Variants in KALRN observed in about 807,000 individuals in gnomAD.
The protein encoded by KALRN is kalirin.
A neutral mutation model predicts 353.7 loss-of-function variants in KALRN; 70 were observed. The ratio of observed to expected loss-of-function variants is 0.20; its 90% CI spans 0.16 to 0.24. The LOEUF is 0.24. Ranked by LOEUF, KALRN falls within the 10% of genes least tolerant of loss-of-function variation. The pLI, the probability that KALRN is intolerant of heterozygous loss-of-function variation, is 1.00. For missense variants in KALRN, 2,791 were observed against 3,756.7 expected, an observed-to-expected ratio of 0.74 and a Z score of 6.72; for synonymous variants, 1,391 against 1,434.8, an observed-to-expected ratio of 0.97 and a Z score of 0.69.
rs1266558168 is a variant in KALRN at position 124,504,626 on chromosome 3, T to C, written c.4935+8213T>C. On this transcript the variant is annotated intron_variant, in intron 33 of 59. Transcript: ENST00000682506. ...AGTATTAATGCCTATCACAGACTCA[T>C]TGATGCCAAGTACTCGTGACTCACA... 4.7e-5 allele frequency: 16 copies of C among 340,910 alleles called. No individual in the cohort carries two copies. The East Asian group carries it at 1.2e-3, about 26-fold the overall frequency. 21.1% of individuals were successfully genotyped at this position (340,910 alleles called of 1,614,324 possible).
chr3:124,294,589 A>G (rs1354022087), intron 5 of KALRN, among the ~76,000 whole-genome samples: 1 of 121,228 alleles, frequency 8.2e-6, no homozygotes, highest in African/African-American at 3.2e-5. Flanking sequence ...CAGTGGCATG[A>G]TCTCAGCTCA....
In KALRN at chr3:124,300,418, C is replaced by A. The variant is rs147242017; in HGVS notation, c.1092+1505C>A. On this transcript the variant is annotated intron_variant, in intron 6 of 59. Transcript: ENST00000682506. ...TAGGAGCTCTGCTTATCATAGCCAC[C>A]CAGAGAGACCTGGGCTGATGGTATA... Among the ~76,000 whole-genome samples the A allele has an allele frequency of 3.5e-3, 531 of 152,272 alleles. 2 individuals are homozygous for A. The highest frequency in any genetic ancestry group is 6.0e-3 in the Non-Finnish European group (411 of 68,024).
At chr3:124,305,654 CT>C (rs1055319842) in intron 6 of KALRN, among the ~76,000 whole-genome samples, 19 of 152,072 alleles carry the variant, frequency 1.2e-4, no homozygotes, top group African/African-American at 4.1e-4. Context: ...TGTACTCCCC[CT>C]GGGAGCAACA....
At chr3:124,629,663 C>T (rs1014961380) in intron 34 of KALRN, among the ~76,000 whole-genome samples, 5 of 152,204 alleles carry the variant, frequency 3.3e-5, no homozygotes, top group African/African-American at 1.2e-4. Flanking sequence ...ATCAATCCCG[C>T]CTACACTGAT....
At chr3:124,101,383 G>T (rs1046905133) in intron 1 of KALRN, among the ~76,000 whole-genome samples, 2 of 152,270 alleles carry the variant, frequency 1.3e-5, no homozygotes, top group African/African-American at 2.4e-5. Flanking sequence ...CAGAATTAGA[G>T]AAAGAAAAAT....
intron 33 of KALRN, among the ~76,000 whole-genome samples, chr3:124,546,000 C>T (rs918448731): frequency 4.6e-5 from 7 of 152,068 alleles, no homozygotes; most frequent in Non-Finnish European, 4.4e-5. Flanking sequence ...TTTCTAGTTC[C>T]CTTAATATAA....
chr3:124,219,156 A>T (rs1419303703), intron 1 of KALRN, among the ~76,000 whole-genome samples: 1 of 152,238 alleles, frequency 6.6e-6, no homozygotes, highest in East Asian at 1.9e-4. Context: ...TCACCCATTA[A>T]GTGCCAGCTG....
chr3:124,286,123 C>CTTTCTTTCT (rs2075856445), intron 5 of KALRN, among the ~76,000 whole-genome samples: 1 of 145,224 alleles, frequency 6.9e-6, no homozygotes, highest in Admixed American at 7.0e-5. Context: ...TTCTTTCTTT[C>CTTTCTTTCT]TTTCTTTCTT....
intron 55 of KALRN, 140 bp downstream of exon 55, chr3:124,697,864 A>G (rs333276): frequency 0.41 from 335,139 of 820,286 alleles, 72,471 homozygotes; most frequent in East Asian, 0.7. Flanking sequence ...CTATTGCTAT[A>G]TTGCCCAGGC....
At chr3:124,132,401 G>C (rs1278440400) in intron 1 of KALRN, among the ~76,000 whole-genome samples, 2 of 152,170 alleles carry the variant, frequency 1.3e-5, no homozygotes, top group African/African-American at 4.8e-5. Context: ...GAACACTGAT[G>C]GGAGGAGAAG....
At chr3:124,274,389 C>T (rs138388831) in intron 5 of KALRN, among the ~76,000 whole-genome samples, 10 of 152,336 alleles carry the variant, frequency 6.6e-5, no homozygotes, top group African/African-American at 2.2e-4. Flanking sequence ...AGCAGAGCTT[C>T]GAAGAGTTCC....
chr3:124,285,740 C>T (rs1279844469), intron 5 of KALRN, among the ~76,000 whole-genome samples: 4 of 152,006 alleles, frequency 2.6e-5, no homozygotes, highest in African/African-American at 7.2e-5. Context: ...TTTGCCATGT[C>T]GGCCAGGCTG....
intron 32 of KALRN, 24 bp from the exon 33 acceptor site, chr3:124,496,287 G>T (rs762988953): frequency 1.2e-5 from 19 of 1,590,740 alleles, no homozygotes; most frequent in Admixed American, 1.7e-5. Flanking sequence ...CCCCACCCCT[G>T]TTTTTTTTCT....
chr3:124,399,531 C>G (rs1305478145), intron 13 of KALRN, among the ~76,000 whole-genome samples: 3 of 152,176 alleles, frequency 2.0e-5, no homozygotes, highest in African/African-American at 4.8e-5. Flanking sequence ...GGAGTAGAGT[C>G]ATTGAATTTC....
At chr3:124,645,811 A>G (rs2082642889) in intron 37 of KALRN, among the ~76,000 whole-genome samples, 3 of 152,114 alleles carry the variant, frequency 2.0e-5, no homozygotes, top group Admixed American at 1.3e-4. Flanking sequence ...ACCTTTGCGT[A>G]TATACCCAGA....
intron 1 of KALRN, among the ~76,000 whole-genome samples, chr3:124,045,760 G>T (rs947911754): frequency 6.7e-6 from 1 of 149,252 alleles, no homozygotes; most frequent in Non-Finnish European, 1.5e-5. Context: ...GGGGGGGGGG[G>T]GGTTGCCTGA....
intron 5 of KALRN, among the ~76,000 whole-genome samples, chr3:124,286,360 T>G (rs2075908829): frequency 6.6e-6 from 1 of 150,802 alleles, no homozygotes; most frequent in Non-Finnish European, 1.5e-5. Flanking sequence ...TTCTCCCACC[T>G]CAGCCTCCCG....
chr3:124,255,729 A>G (rs2120789), intron 3 of KALRN, among the ~76,000 whole-genome samples: 93,823 of 151,952 alleles, frequency 0.62, 31,747 homozygotes, highest in Non-Finnish European at 0.75. Flanking sequence ...ATCCCAGTGC[A>G]GATGGAGCAG....
At chr3:124,614,285 T>C (rs2078314779) in intron 34 of KALRN, among the ~76,000 whole-genome samples, 1 of 137,216 alleles carries the variant, frequency 7.3e-6, no homozygotes, top group African/African-American at 2.6e-5. Flanking sequence ...TATTTATTTA[T>C]TGAGACAGGG....
Sources: allele counts gnomAD v4.1 joint callset (sites outside exome capture counted in the v4.1 genomes callset), GRCh38; gene constraint gnomAD v4.1.1; transcripts MANE v1.5; gene names NCBI Gene and HGNC (gene_info 2026-07-23, HGNC 2026-07-21).